Variants in RAB6B observed in about 807,000 individuals in gnomAD.
The protein encoded by RAB6B is ras-related protein Rab-6B.
In RAB6B, 7 loss-of-function variants were observed where a neutral mutation model predicts 31.2. That is an observed-to-expected ratio of 0.22 (90% confidence interval 0.13 to 0.42). The LOEUF is 0.42. Among genes scored for constraint, RAB6B ranks in the 10% least tolerant of loss-of-function variants. The probability of loss-of-function intolerance (pLI) is 1.00; values close to 1 mark genes in which losing one functional copy is unlikely to be tolerated. For synonymous variants in RAB6B, 105 were observed against 104.9 expected (o/e 1.00, Z -0.01); for missense variants, 149 against 280.6 (o/e 0.53, Z 3.35).
chr3:133,874,898 G>T (rs774369996), intron 1 of RAB6B, among the ~76,000 whole-genome samples: 2 of 151,492 alleles, frequency 1.3e-5, no homozygotes, highest in South Asian at 2.1e-4. Flanking sequence ...CACCAATATC[G>T]CTGTCTTCCA....
rs1404001488 is a variant in RAB6B at position 133,864,572 on chromosome 3, C to T, written c.129+12G>A. ...GCCAGATGATATGGAGGGTGAGCAC[C>T]CAGGACCTCACCTGGTATGTGTTGT... On this transcript the variant is annotated intron_variant, in intron 2 of 7. Transcript: ENST00000285208. The T allele has an allele frequency of 6.2e-7, 1 of 1,613,394 alleles. No homozygotes were observed. Among genetic ancestry groups the T allele is most frequent in the Admixed American group, 1.7e-5 (1 of 60,016 alleles).
chr3:133,846,428 C>A (rs920383179), intron 2 of RAB6B, among the ~76,000 whole-genome samples: 1 of 152,202 alleles, frequency 6.6e-6, no homozygotes, highest in Non-Finnish European at 1.5e-5. Flanking sequence ...GCCTGGGCAA[C>A]AGAGTGAGAC....
chr3:133,867,684 AG>A (rs1936256948), intron 1 of RAB6B, among the ~76,000 whole-genome samples: 1 of 152,124 alleles, frequency 6.6e-6, no homozygotes, highest in Non-Finnish European at 1.5e-5. Flanking sequence ...CCCACTTGGT[AG>A]GGGCTTGATC....
intron 2 of RAB6B, among the ~76,000 whole-genome samples, chr3:133,844,130 A>C (rs935102872): frequency 6.6e-6 from 1 of 152,242 alleles, no homozygotes; most frequent in African/African-American, 2.4e-5. Flanking sequence ...AGGGCAGAGA[A>C]GTCACCAAAT....
At chr3:133,883,608 T>C (rs902179832) in intron 1 of RAB6B, among the ~76,000 whole-genome samples, 2 of 152,194 alleles carry the variant, frequency 1.3e-5, no homozygotes, top group Admixed American at 1.3e-4. Flanking sequence ...TGCCCCTTGC[T>C]TCCCCTGTTT....
At chr3:133,884,050 A>C (rs1040087346) in intron 1 of RAB6B, among the ~76,000 whole-genome samples, 6 of 128,508 alleles carry the variant, frequency 4.7e-5, no homozygotes, top group African/African-American at 1.4e-4. Context: ...AGCTCTCCTT[A>C]CCCACCCTGA....
chr3:133,828,421 A>G lies in RAB6B; in HGVS notation c.*367T>C, dbSNP rs1031385631. 3 of 366,850 alleles carry G rather than the reference A, an allele frequency of 8.2e-6. No homozygotes were observed. Among genetic ancestry groups the G allele is most frequent in the Non-Finnish European group, 1.5e-5 (3 of 202,190 alleles). The allele number at this position is 366,850 out of a possible 1,614,324, so 22.7% of individuals were successfully genotyped here. On this transcript the variant is annotated 3_prime_UTR_variant, in exon 8 of 8. Transcript: ENST00000285208. ...GAGGTGTGTGGAAAAGGTTCTCTAT[A>G]AGTTTACAAATATACAAAAACAAAA... is the stretch of plus-strand genomic sequence containing the variant.
intron 1 of RAB6B, 47 bp from the exon 2 acceptor site, chr3:133,864,689 A>G: frequency 1.3e-6 from 2 of 1,544,512 alleles, no homozygotes; most frequent in Non-Finnish European, 1.8e-6. Context: ...CATCTGAGCT[A>G]GGCTCTTCTA....
intron 1 of RAB6B, among the ~76,000 whole-genome samples, chr3:133,887,782 G>C (rs546080339): frequency 1.3e-5 from 2 of 152,312 alleles, no homozygotes; most frequent in East Asian, 1.9e-4. Flanking sequence ...CCCCAGAGTA[G>C]GTGGGAACCA....
At chr3:133,848,139 A>G (rs1935931798) in intron 2 of RAB6B, among the ~76,000 whole-genome samples, 1 of 152,224 alleles carries the variant, frequency 6.6e-6, no homozygotes, top group Admixed American at 6.5e-5. Context: ...AGAGCCTATC[A>G]TCTTCCTCCA....
chr3:133,841,337 G>A lies in RAB6B; in HGVS notation c.237C>T (p.Ile79=), dbSNP rs766996366. The A allele has an allele frequency of 5.0e-6, 8 of 1,614,182 alleles. No individual in the cohort carries two copies. Among genetic ancestry groups the A allele is most frequent in the East Asian group, 2.2e-5 (1 of 44,864 alleles). The change falls in exon 4 of 8, where the codon ATC becomes ATT. Residue 79 remains isoleucine (I), a synonymous_variant. Coordinates refer to ENST00000285208, the MANE Select transcript of RAB6B (RefSeq NM_016577.4). ...TAGQERFRSL[I]PSYIRDSTVA... ...CCGTGGAGTCCCGGATGTAGCTGGG[G>A]ATCAGGCTGCGGAACCTCTCCTGAC...
chr3:133,836,251 C>T (rs1434708361), intron 6 of RAB6B, among the ~76,000 whole-genome samples: 1 of 152,188 alleles, frequency 6.6e-6, no homozygotes, highest in South Asian at 2.1e-4. Flanking sequence ...CATTAGTAGG[C>T]AAGGGTAAAA....
chr3:133,883,990 G>C (rs1342735263), intron 1 of RAB6B, among the ~76,000 whole-genome samples: 3 of 152,218 alleles, frequency 2.0e-5, no homozygotes, highest in African/African-American at 7.2e-5. Context: ...CTCTGGGCCA[G>C]CTGCTTCAGG....
chr3:133,861,377 T>C (rs1936158916), intron 2 of RAB6B, among the ~76,000 whole-genome samples: 1 of 152,060 alleles, frequency 6.6e-6, no homozygotes, highest in Non-Finnish European at 1.5e-5. Context: ...TATGTGTGTT[T>C]GGGGGTGAGG....
intron 4 of RAB6B, among the ~76,000 whole-genome samples, chr3:133,840,736 T>C (rs1382033933): frequency 6.7e-6 from 1 of 148,150 alleles, no homozygotes; most frequent in Non-Finnish European, 1.5e-5. Context: ...CTGTGCGCCC[T>C]TGAGGCTGTG....
chr3:133,877,900 C>A (rs1410490851), intron 1 of RAB6B, among the ~76,000 whole-genome samples: 1 of 151,524 alleles, frequency 6.6e-6, no homozygotes, highest in African/African-American at 2.4e-5. Flanking sequence ...ATCAAACTTC[C>A]AGAGGTAACA....
intron 1 of RAB6B, among the ~76,000 whole-genome samples, chr3:133,884,354 T>C (rs1936508984): frequency 6.6e-6 from 1 of 152,194 alleles, no homozygotes; most frequent in South Asian, 2.1e-4. Flanking sequence ...TTCTCTGGGT[T>C]AGGGGAGGGT....
At position 133,870,578 on chromosome 3, in the gene RAB6B, T is replaced by G. The variant is rs534377071; in HGVS notation, c.71-5936A>C. Among the ~76,000 whole-genome samples the G allele has an allele frequency of 1.8e-4, 28 of 152,236 alleles. 1 individual carries two copies. In the South Asian group the frequency reaches 4.8e-3, roughly 26 times the overall value. ...GAGCCCAGAACTCCTCCCTGTGACCTGGGTTCATGACCATTAGATGCTAGA... is the reference window on the plus strand; with the variant it reads ...GAGCCCAGAACTCCTCCCTGTGACCGGGGTTCATGACCATTAGATGCTAGA... On this transcript the variant is annotated intron_variant, in intron 1 of 7. Coordinates refer to ENST00000285208, the MANE Select transcript of RAB6B (RefSeq NM_016577.4).
intron 1 of RAB6B, among the ~76,000 whole-genome samples, chr3:133,871,852 G>C (rs1936328556): frequency 6.6e-6 from 1 of 152,216 alleles, no homozygotes. Context: ...TCTCGGCTGT[G>C]CATCCACACT....
Sources: allele counts gnomAD v4.1 joint callset (sites outside exome capture counted in the v4.1 genomes callset), GRCh38; gene constraint gnomAD v4.1.1; transcripts MANE v1.5; gene names NCBI Gene and HGNC (gene_info 2026-07-23, HGNC 2026-07-21).